Variants in VPS13B observed in about 807,000 individuals in gnomAD.
VPS13B encodes vacuolar protein sorting 13 homolog B, also known as intermembrane lipid transfer protein VPS13B.
VPS13B carries 285 observed loss-of-function variants against 426.4 expected under a neutral mutation model. The ratio of observed to expected loss-of-function variants is 0.67; its 90% CI spans 0.61 to 0.74. The LOEUF (loss-of-function observed/expected upper bound fraction) is 0.74. Among genes scored for constraint, VPS13B ranks in the 30% least tolerant of loss-of-function variants. The pLI is 0.00. For synonymous variants in VPS13B, 1,676 were observed against 1,676.4 expected (o/e 1.00, Z 0.01); for missense variants, 4,537 against 4,782.6 (o/e 0.95, Z 1.51).
At chr8:99,690,982 A>T (rs1413913136) in intron 35 of VPS13B, among the ~76,000 whole-genome samples, 1 of 152,260 alleles carries the variant, frequency 6.6e-6, no homozygotes, top group East Asian at 1.9e-4. Context: ...CTGATAATGG[A>T]TAAGCAGAAT....
At chr8:99,382,540 G>A (rs1813872286) in intron 19 of VPS13B, among the ~76,000 whole-genome samples, 1 of 152,074 alleles carries the variant, frequency 6.6e-6, no homozygotes, top group Non-Finnish European at 1.5e-5. Flanking sequence ...TCACCTCCCT[G>A]GTTAACTGTC....
chr8:99,522,475 T>C (rs1389315272), intron 30 of VPS13B, among the ~76,000 whole-genome samples: 1 of 152,228 alleles, frequency 6.6e-6, no homozygotes, highest in African/African-American at 2.4e-5. Flanking sequence ...TTTTAGGGTT[T>C]CCTTCTGTCT....
intron 35 of VPS13B, among the ~76,000 whole-genome samples, chr8:99,695,519 A>G (rs983769832): frequency 8.3e-6 from 1 of 119,952 alleles, no homozygotes; most frequent in African/African-American, 3.2e-5. Flanking sequence ...GGACACAGGA[A>G]GGGGAATATC....
intron 35 of VPS13B, among the ~76,000 whole-genome samples, chr8:99,689,131 G>T (rs1247811647): frequency 6.6e-6 from 1 of 151,988 alleles, no homozygotes; most frequent in Admixed American, 6.6e-5. Context: ...GTTCTCCTTG[G>T]TGGGGCGGTT....
rs1817698416 is a variant in VPS13B, at chr8:99,876,286, T to TTAAC, written c.*622_*625dup. 1 of 154,176 alleles carries TTAAC rather than the reference T, an allele frequency of 6.5e-6. No homozygotes were observed. Among genetic ancestry groups the TTAAC allele is most frequent in the African/African-American group, 2.4e-5 (1 of 41,472 alleles). The allele number at this position is 154,176 out of a possible 1,614,324, so 9.6% of individuals were successfully genotyped here. A position where few individuals can be genotyped will look rare whatever the true frequency, so the allele number is the denominator to read the frequency against. On this transcript the variant is annotated 3_prime_UTR_variant, in exon 62 of 62. Coordinates refer to ENST00000357162, the MANE Select transcript of VPS13B (RefSeq NM_152564.5). ...CTTTGTGGCTTGTTACATTTGTCAT[T>TTAAC]TAACTGCAGTGCTATTCTTTGAAAG...
intron 14 of VPS13B, among the ~76,000 whole-genome samples, chr8:99,151,555 T>C (rs542374343): frequency 1.3e-5 from 2 of 152,062 alleles, no homozygotes; most frequent in South Asian, 4.2e-4. Context: ...TTTTTTGAGA[T>C]GGAGTTTCAC....
chr8:99,831,840 G>A (rs181738907), intron 51 of VPS13B, among the ~76,000 whole-genome samples: 97 of 152,314 alleles, frequency 6.4e-4, no homozygotes, highest in Middle Eastern at 3.4e-3. Context: ...TTGAGCATCC[G>A]TGGTATTCTC....
At chr8:99,702,558 A>G (rs948182542) in intron 36 of VPS13B, among the ~76,000 whole-genome samples, 1 of 152,050 alleles carries the variant, frequency 6.6e-6, no homozygotes, top group Non-Finnish European at 1.5e-5. Flanking sequence ...AACCTCAACA[A>G]TTTGCACTTG....
intron 33 of VPS13B, among the ~76,000 whole-genome samples, chr8:99,582,757 G>A (rs748306157): frequency 2.0e-5 from 3 of 152,002 alleles, no homozygotes; most frequent in African/African-American, 2.4e-5. Context: ...CTGTGTTCAC[G>A]CCATTCTCCT....
At chr8:99,121,644 G>A in intron 8 of VPS13B, 199 bp downstream of exon 8, 1 of 1,350,866 alleles carries the variant, frequency 7.4e-7, no homozygotes, top group Non-Finnish European at 9.6e-7. Context: ...TCTTCTTAGG[G>A]CATTCTCCAC....
chr8:99,829,971 GC>G (rs1197413771), intron 51 of VPS13B, among the ~76,000 whole-genome samples: 2 of 152,192 alleles, frequency 1.3e-5, no homozygotes, highest in Non-Finnish European at 2.9e-5. Flanking sequence ...TCCTCTGGAA[GC>G]TTTATCCCAG....
At chr8:99,781,896 GAAAA>G (rs1812040402) in intron 42 of VPS13B, among the ~76,000 whole-genome samples, 1 of 152,046 alleles carries the variant, frequency 6.6e-6, no homozygotes. Flanking sequence ...TGAAAGGAAA[GAAAA>G]ATGTTTACAA....
At chr8:99,736,990 C>A (rs1201821855) in intron 39 of VPS13B, among the ~76,000 whole-genome samples, 3 of 150,048 alleles carry the variant, frequency 2.0e-5, no homozygotes, top group African/African-American at 7.4e-5. Flanking sequence ...ATCAGGCATT[C>A]TGATTATTGA....
chr8:99,696,916 A>T, intron 35 of VPS13B: 1 of 731,620 alleles, frequency 1.4e-6, no homozygotes, highest in Admixed American at 1.8e-5. Flanking sequence ...ACTGCGCTCC[A>T]TAAAGGCCAA....
chr8:99,290,307 A>G (rs1169243105), intron 19 of VPS13B, among the ~76,000 whole-genome samples: 1 of 152,120 alleles, frequency 6.6e-6, no homozygotes, highest in African/African-American at 2.4e-5. Context: ...CATATACACC[A>G]TGGAATACTA....
At chr8:99,505,214 T>C (rs1158093983) in intron 27 of VPS13B, among the ~76,000 whole-genome samples, 1 of 152,212 alleles carries the variant, frequency 6.6e-6, no homozygotes, top group Non-Finnish European at 1.5e-5. Context: ...AATAAGGCTG[T>C]TTCACTTTCT....
intron 39 of VPS13B, among the ~76,000 whole-genome samples, chr8:99,749,536 T>C (rs1810285186): frequency 6.6e-6 from 1 of 152,108 alleles, no homozygotes; most frequent in Non-Finnish European, 1.5e-5. Flanking sequence ...CGTAATGTCC[T>C]CCGGTTCCAT....
At chr8:99,443,357 A>G (rs1171876240) in intron 23 of VPS13B, among the ~76,000 whole-genome samples, 3 of 152,126 alleles carry the variant, frequency 2.0e-5, no homozygotes, top group East Asian at 1.9e-4. Flanking sequence ...ATTTCTACAT[A>G]CTGTCACTGA....
intron 33 of VPS13B, among the ~76,000 whole-genome samples, chr8:99,589,343 T>C (rs1397685376): frequency 6.6e-6 from 1 of 151,670 alleles, no homozygotes; most frequent in Admixed American, 6.6e-5. Context: ...CTCCTAATGC[T>C]ATCCCTCCCC....
Sources: allele counts gnomAD v4.1 joint callset (sites outside exome capture counted in the v4.1 genomes callset), GRCh38; gene constraint gnomAD v4.1.1; transcripts MANE v1.5; gene names NCBI Gene and HGNC (gene_info 2026-07-23, HGNC 2026-07-21).